ARID1B: variants seen among roughly 807,000 people sequenced by gnomAD.
ARID1B encodes the protein AT-rich interactive domain-containing protein 1B.
Under a neutral mutation model 212.3 loss-of-function variants are expected in ARID1B, and 30 were observed. That is an observed-to-expected ratio of 0.14 (90% CI 0.11 to 0.19). ARID1B has a LOEUF of 0.19. ARID1B is among the 10% of genes least tolerant of loss of function. The probability of loss-of-function intolerance (pLI) is 1.00; values close to 1 mark genes in which losing one functional copy is unlikely to be tolerated. For missense variants in ARID1B, 2,891 were observed against 3,204.0 expected, an observed-to-expected ratio of 0.90 and a Z score of 2.36; for synonymous variants, 1,402 against 1,301.7, an observed-to-expected ratio of 1.08 and a Z score of -1.66.
chr6:157,060,245 G>T (rs1271478190), intron 4 of ARID1B, among the ~76,000 whole-genome samples: 1 of 152,170 alleles, frequency 6.6e-6, no homozygotes, highest in Non-Finnish European at 1.5e-5. Context: ...GCGCCTCTCA[G>T]CTCTGAATTC....
At position 156,878,124 on chromosome 6, in the gene ARID1B, G is replaced by T. The variant is rs925807241; in HGVS notation, c.1987-23252G>T. ...CCTTCCTCATGCCTCTGCCAGCTGG[G>T]CGTCACGTTCTGCCTTCTGTTTTTG... On this transcript the variant is annotated intron_variant, in intron 2 of 19. Transcript: ENST00000636930. 5.9e-5 allele frequency among the ~76,000 whole-genome samples: 9 copies of T among 152,224 alleles called. No homozygotes were observed. The East Asian group carries it at 9.7e-4, about 16-fold the overall frequency.
In ARID1B at chr6:156,813,108, ATTT is replaced by A. The variant is rs71027315; in HGVS notation, c.1792-16107_1792-16105del. 4.2e-3 allele frequency among the ~76,000 whole-genome samples: 439 copies of A among 105,548 alleles called. 1 individual carries two copies. Among genetic ancestry groups the A allele is most frequent in the African/African-American group, 7.1e-3 (194 of 27,206 alleles). 69.2% of individuals were successfully genotyped at this position (105,548 alleles called of 152,430 possible). ...TATGTATATACATACATATATATATATTTTTTTTTTTTTTGAGACGGAGTCTCG... is the reference window on the plus strand; with the variant it reads ...TATGTATATACATACATATATATATATTTTTTTTTTTGAGACGGAGTCTCG... On this transcript the variant is annotated intron_variant, in intron 1 of 19. Coordinates refer to ENST00000636930, the MANE Select transcript of ARID1B (RefSeq NM_001374828.1).
At chr6:156,909,123 C>CTTTTTTTTTTTTTTTTTTTTTTTCTTT (rs60183999) in intron 3 of ARID1B, among the ~76,000 whole-genome samples, 1 of 108,822 alleles carries the variant, frequency 9.2e-6, no homozygotes, top group African/African-American at 3.8e-5. Context: ...TTTTCTTTCT[C>CTTTTTTTTTTTTTTTTTTTTTTTCTTT]TTTTTTTTTT....
In ARID1B at chr6:157,203,694, T is replaced by A; in HGVS notation, c.5264-172T>A. ...CCACAAAAGTTTCTCGTTACAGCTA[T>A]GGCCTCCATTTAAAATCGGAAATGA... On this transcript the variant is annotated intron_variant, in intron 18 of 19. Transcript: ENST00000636930. The surrounding 1 kb of genome is among the most constrained non-coding windows in gnomAD (Gnocchi z 4.4). 1.2e-6 allele frequency: 1 copy of A among 830,580 alleles called. No individual in the cohort carries two copies. The allele number at this position is 830,580 out of a possible 1,614,324, so 51.5% of individuals were successfully genotyped here.
intron 5 of ARID1B, among the ~76,000 whole-genome samples, chr6:157,099,964 A>C (rs564295648): frequency 3.3e-5 from 5 of 152,036 alleles, no homozygotes; most frequent in Non-Finnish European, 7.4e-5. Context: ...TATTTTTAGG[A>C]CCTAATGACA....
At chr6:157,117,017 T>C (rs75682789) in intron 6 of ARID1B, among the ~76,000 whole-genome samples, 2,533 of 152,250 alleles carry the variant, frequency 0.017, 28 homozygotes, top group Non-Finnish European at 0.027. Context: ...AACATAGAGA[T>C]CTTGACAGCT....
At chr6:156,782,145 A>C (rs2115055662) in intron 1 of ARID1B, among the ~76,000 whole-genome samples, 1 of 151,198 alleles carries the variant, frequency 6.6e-6, no homozygotes, top group East Asian at 1.9e-4. Context: ...ATTTAGTATT[A>C]GTTGTTGTAA....
intron 4 of ARID1B, 190 bp downstream of exon 4, chr6:156,935,766 G>A (rs1327437854): frequency 7.5e-6 from 4 of 533,350 alleles, no homozygotes; most frequent in African/African-American, 3.8e-5. Flanking sequence ...TCTATTTCAT[G>A]TGTATATATC....
At chr6:157,104,546 C>T (rs767313721) in intron 5 of ARID1B, among the ~76,000 whole-genome samples, 5 of 152,100 alleles carry the variant, frequency 3.3e-5, no homozygotes, top group Non-Finnish European at 5.9e-5. Context: ...TCATTTAATG[C>T]GGTAGTGAGA....
At chr6:156,895,067 A>T (rs954783760) in intron 2 of ARID1B, among the ~76,000 whole-genome samples, 1 of 152,214 alleles carries the variant, frequency 6.6e-6, no homozygotes, top group African/African-American at 2.4e-5. Flanking sequence ...GAAATCTTGG[A>T]TGTAAAGGTG....
intron 2 of ARID1B, among the ~76,000 whole-genome samples, chr6:156,834,029 T>A (rs1783325666): frequency 6.6e-6 from 1 of 152,228 alleles, no homozygotes; most frequent in African/African-American, 2.4e-5. Context: ...GGTTTCCACC[T>A]GTGTTAATTT....
intron 1 of ARID1B, among the ~76,000 whole-genome samples, chr6:156,818,233 A>G (rs1782113422): frequency 6.6e-6 from 1 of 151,724 alleles, no homozygotes; most frequent in African/African-American, 2.4e-5. Context: ...GCTCTGACAA[A>G]TTAGATATCT....
intron 5 of ARID1B, among the ~76,000 whole-genome samples, chr6:157,092,870 G>A (rs1438033020): frequency 6.6e-6 from 1 of 152,122 alleles, no homozygotes; most frequent in African/African-American, 2.4e-5. Flanking sequence ...TGTTTTCATG[G>A]TGGGTCTAAT....
At chr6:157,059,166 A>G (rs1472931027) in intron 4 of ARID1B, among the ~76,000 whole-genome samples, 1 of 151,946 alleles carries the variant, frequency 6.6e-6, no homozygotes, top group East Asian at 1.9e-4. Flanking sequence ...TTAGTTGTGT[A>G]TCTTTAGAAT....
chr6:157,068,855 A>G lies in ARID1B; in HGVS notation c.2248-15807A>G, dbSNP rs141739884. Among the ~76,000 whole-genome samples the G allele has an allele frequency of 3.1e-3, 470 of 152,340 alleles. 1 individual carries two copies. The highest frequency in any genetic ancestry group is 0.011 in the African/African-American group (445 of 41,572). ...GTTAATGAATATATCTAGAAGCTGC[A>G]TCCTAATGTAGTCTGTGTTTGTAGA... On this transcript the variant is annotated intron_variant, in intron 4 of 19. Coordinates refer to ENST00000636930, the MANE Select transcript of ARID1B (RefSeq NM_001374828.1).
intron 4 of ARID1B, among the ~76,000 whole-genome samples, chr6:156,946,553 A>C (rs1793166766): frequency 6.6e-6 from 1 of 152,162 alleles, no homozygotes; most frequent in Non-Finnish European, 1.5e-5. Context: ...GCGCATTGTA[A>C]CGCCCTTTTA....
rs745929521 is a variant in ARID1B at position 156,779,378 on chromosome 6, C to T, written c.1698C>T (p.Tyr566=). ...TGGGCAAGGACATGGGCGCCCAGTA[C>T]GCCGCTGCCAGCCCGGCCTGGGCGG... ...MGLGKDMGAQ[Y]AAASPAWAAA... Residue 566 remains tyrosine (Y), a synonymous_variant, in exon 1 of 20, where the codon TAC becomes TAT. Transcript: ENST00000636930. 19 of 1,379,836 alleles carry T rather than the reference C, an allele frequency of 1.4e-5. No homozygotes were observed. Among genetic ancestry groups the T allele is most frequent in the African/African-American group, 3.0e-5 (2 of 66,000 alleles). The allele number at this position is 1,379,836 out of a possible 1,614,324, so 85.5% of individuals were successfully genotyped here.
rs1003131791 is a variant in ARID1B at position 157,039,322 on chromosome 6, C to CTTTTT, written c.2248-45325_2248-45321dup. On this transcript the variant is annotated intron_variant, in intron 4 of 19. Transcript: ENST00000636930. Reference sequence around the variant, plus strand: ...ATTAAAAATGGGAAATTTGACATTTCTTTTTTTTTTTTTTTTTTTGAGACG... The same window carrying CTTTTT: ...ATTAAAAATGGGAAATTTGACATTTCTTTTTTTTTTTTTTTTTTTTTTTTGAGACG... Among the ~76,000 whole-genome samples, 979 of 102,864 alleles carry CTTTTT rather than the reference C, an allele frequency of 9.5e-3. 162 individuals are homozygous for CTTTTT. Among genetic ancestry groups the CTTTTT allele is most frequent in the African/African-American group, 0.035 (868 of 24,650 alleles). 67.5% of individuals were successfully genotyped at this position (102,864 alleles called of 152,430 possible). A position where few individuals can be genotyped will look rare whatever the true frequency, so the allele number is the denominator to read the frequency against.
chr6:156,986,731 CT>C (rs1163858244), intron 4 of ARID1B, among the ~76,000 whole-genome samples: 1 of 152,158 alleles, frequency 6.6e-6, no homozygotes, highest in Non-Finnish European at 1.5e-5. Context: ...GTATAGTTAT[CT>C]GGACCTAATT....
Sources: gnomAD v4.1 joint callset for allele counts (sites outside exome capture counted in the v4.1 genomes callset) on GRCh38, gnomAD v4.1.1 for gene constraint, Gnocchi (gnomAD v3.1) non-coding constraint, MANE v1.5 for transcripts, NCBI Gene and HGNC (gene_info 2026-07-23, HGNC 2026-07-21) for gene names.